Variants in ZBTB40 observed in about 807,000 individuals in gnomAD.
ZBTB40 encodes the protein zinc finger and BTB domain containing 40.
In ZBTB40, 60 loss-of-function variants were observed where a neutral mutation model predicts 117.5. The ratio of observed to expected loss-of-function variants is 0.51; its 90% CI spans 0.41 to 0.63. The LOEUF (loss-of-function observed/expected upper bound fraction) is 0.63. Ranked by LOEUF, ZBTB40 falls within the 30% of genes least tolerant of loss-of-function variation. The probability of loss-of-function intolerance (pLI) is 0.00; values close to 1 mark genes in which losing one functional copy is unlikely to be tolerated. For synonymous variants in ZBTB40, 525 were observed against 577.1 expected, an observed-to-expected ratio of 0.91 and a Z score of 1.29; for missense variants, 1,287 against 1,498.5, an observed-to-expected ratio of 0.86 and a Z score of 2.33.
upstream of ZBTB40, among the ~76,000 whole-genome samples, chr1:22,451,078 C>G (rs1296368965): frequency 2.0e-5 from 3 of 152,144 alleles, no homozygotes; most frequent in African/African-American, 7.2e-5. Flanking sequence ...GGAAAATGAG[C>G]AAAAGAAAAG....
intron 1 of ZBTB40, among the ~76,000 whole-genome samples, chr1:22,456,784 A>T (rs909293232): frequency 6.6e-6 from 1 of 152,150 alleles, no homozygotes; most frequent in Non-Finnish European, 1.5e-5. Flanking sequence ...TGCCTTACAG[A>T]TGGTTGTTGT....
At chr1:22,469,609 T>C (rs750457996) in intron 1 of ZBTB40, among the ~76,000 whole-genome samples, 8 of 152,294 alleles carry the variant, frequency 5.3e-5, no homozygotes, top group Admixed American at 2.0e-4. Flanking sequence ...CAGGCTGGAG[T>C]GCAGTGGTGC....
At chr1:22,518,322 TCTGTAAA>T (rs1347099145) in intron 13 of ZBTB40, among the ~76,000 whole-genome samples, 2 of 152,166 alleles carry the variant, frequency 1.3e-5, no homozygotes, top group Non-Finnish European at 2.9e-5. Flanking sequence ...TTATGCCCCT[TCTGTAAA>T]CTAGAGCAAA....
intron 1 of ZBTB40, among the ~76,000 whole-genome samples, chr1:22,463,739 T>C (rs1000996344): frequency 5.9e-5 from 9 of 152,212 alleles, no homozygotes; most frequent in Admixed American, 5.2e-4. Flanking sequence ...GTTATAACAG[T>C]CTTGAAAATT....
At chr1:22,502,666 G>A (rs1328951999) in intron 5 of ZBTB40, among the ~76,000 whole-genome samples, 1 of 152,148 alleles carries the variant, frequency 6.6e-6, no homozygotes, top group Admixed American at 6.5e-5. Context: ...TGGATGGATG[G>A]ATGTGTGGGT....
intron 17 of ZBTB40, among the ~76,000 whole-genome samples, chr1:22,524,667 A>G (rs1262710059): frequency 6.6e-6 from 1 of 152,210 alleles, no homozygotes; most frequent in Non-Finnish European, 1.5e-5. Flanking sequence ...CCAAAAGAGG[A>G]ACAGCTTGGT....
At chr1:22,502,532 G>A in intron 5 of ZBTB40, 91 bp downstream of exon 5, 1 of 1,534,376 alleles carries the variant, frequency 6.5e-7, no homozygotes, top group Admixed American at 1.7e-5. Flanking sequence ...ATACTTTGCA[G>A]TATTTTAATA....
rs2124459567 is a variant in ZBTB40, at chr1:22,512,067, C to T, written c.2394C>T (p.Pro798=). The part of the protein sequence containing the change: ...AHGAGGEPDA[P]KKKKKRLPVT... ...GTGCAGGTGGAGAGCCCGATGCCCC[C>T]AAGAAGAAGAAGAAGAGGCTTCCAG... Residue 798 remains proline, a synonymous_variant, in exon 11 of 18, where the codon CCC becomes CCT. Transcript: ENST00000375647. The T allele has an allele frequency of 6.2e-7, 1 of 1,613,380 alleles. No individual in the cohort carries two copies. The highest frequency in any genetic ancestry group is 1.1e-5 in the South Asian group (1 of 91,026).
At chr1:22,454,568 A>G (rs1640961675) in intron 1 of ZBTB40, among the ~76,000 whole-genome samples, 1 of 152,184 alleles carries the variant, frequency 6.6e-6, no homozygotes, top group South Asian at 2.1e-4. Flanking sequence ...AAAGGGAGAG[A>G]CGAAGCTGGG....
At chr1:22,496,100 T>C (rs1246509847) in intron 3 of ZBTB40, among the ~76,000 whole-genome samples, 2 of 152,228 alleles carry the variant, frequency 1.3e-5, no homozygotes, top group Non-Finnish European at 2.9e-5. Context: ...TAACAAGACC[T>C]GCATACAATG....
At chr1:22,521,291 G>C (rs1490650892) in intron 14 of ZBTB40, among the ~76,000 whole-genome samples, 1 of 152,214 alleles carries the variant, frequency 6.6e-6, no homozygotes. Flanking sequence ...CTGCCCTGTA[G>C]TGGCTTCTCA....
At chr1:22,462,949 T>G (rs1641165330) in intron 1 of ZBTB40, among the ~76,000 whole-genome samples, 1 of 152,236 alleles carries the variant, frequency 6.6e-6, no homozygotes, top group Admixed American at 6.5e-5. Flanking sequence ...GCAAATACTT[T>G]GATAGGTGTA....
Position 22,520,222 on chromosome 1 carries a change from A to G in ZBTB40, c.2995A>G (p.Thr999Ala). ...GTCCATGCTGGAGCGGCACGTGGTGACCCACGTTGGAGGGAAGCCCTTCAG... is the reference window on the plus strand; with the variant it reads ...GTCCATGCTGGAGCGGCACGTGGTGGCCCACGTTGGAGGGAAGCCCTTCAG... Reference protein sequence around the residue: ...APSMLERHVVTHVGGKPFSCG... With the variant: ...APSMLERHVVAHVGGKPFSCG... Residue 999 changes from threonine to alanine, a missense_variant, in exon 14 of 18, where the codon ACC (threonine) becomes GCC (alanine). Thr to Ala is a moderately conservative substitution (Grantham distance 58). Coordinates refer to ENST00000375647, the MANE Select transcript of ZBTB40 (RefSeq NM_014870.4). The G allele has an allele frequency of 1.2e-6, 2 of 1,613,892 alleles. No individual in the cohort carries two copies. Among genetic ancestry groups the G allele is most frequent in the South Asian group, 2.2e-5 (2 of 91,076 alleles).
In ZBTB40 at chr1:22,526,335, C is replaced by T. The variant is rs369771708; in HGVS notation, c.3659C>T (p.Ala1220Val). The T allele has an allele frequency of 6.8e-6, 11 of 1,614,036 alleles. No individual in the cohort carries two copies. Among genetic ancestry groups the T allele is most frequent in the African/African-American group, 2.7e-5 (2 of 74,906 alleles). The part of the protein sequence containing the change: ...QASQASSELV[A>V]VTVEDLLDGT... ...TCTCAGGCCAGCTCTGAGCTCGTGG[C>T]GGTGACTGTGGAGGACTTGCTGGAT... Residue 1220 changes from alanine to valine, a missense_variant, in exon 18 of 18, where the codon GCG becomes GTG. Ala to Val is a moderately conservative substitution (Grantham distance 64, BLOSUM62 0). Transcript: ENST00000375647.
At chr1:22,481,787 C>CAA (rs766474050) in intron 1 of ZBTB40, among the ~76,000 whole-genome samples, 3,453 of 64,172 alleles carry the variant, frequency 0.054, 798 homozygotes, top group African/African-American at 0.12. Context: ...CTTGTTTTAC[C>CAA]AAAAAAAAAA....
At chr1:22,449,399 A>G (rs1011489805), upstream of ZBTB40, among the ~76,000 whole-genome samples, 1 of 152,352 alleles carries the variant, frequency 6.6e-6, no homozygotes, top group South Asian at 2.1e-4. Flanking sequence ...TACAAGGTCT[A>G]GAAGGTCTAG....
chr1:22,518,635 G>A (rs914601834), intron 13 of ZBTB40, among the ~76,000 whole-genome samples: 4 of 152,192 alleles, frequency 2.6e-5, no homozygotes, highest in Non-Finnish European at 5.9e-5. Flanking sequence ...CAAGTCTGTC[G>A]TCAGCCAGCC....
At chr1:22,478,286 C>T (rs964154759) in intron 1 of ZBTB40, among the ~76,000 whole-genome samples, 4 of 151,994 alleles carry the variant, frequency 2.6e-5, no homozygotes, top group Admixed American at 6.6e-5. Flanking sequence ...CTCGCTCTGT[C>T]GCTTAGGCTG....
At chr1:22,502,003 C>T (rs1446298994) in intron 4 of ZBTB40, among the ~76,000 whole-genome samples, 1 of 152,198 alleles carries the variant, frequency 6.6e-6, no homozygotes, top group African/African-American at 2.4e-5. Flanking sequence ...CACTTTAAGG[C>T]TGAAGTTTCT....
Sources: allele counts gnomAD v4.1 joint callset (sites outside exome capture counted in the v4.1 genomes callset), GRCh38; gene constraint gnomAD v4.1.1; transcripts MANE v1.5; gene names NCBI Gene and HGNC (gene_info 2026-07-23, HGNC 2026-07-21).